Variants in INPP5D observed in about 807,000 individuals in gnomAD.
The protein encoded by INPP5D is phosphatidylinositol 3,4,5-trisphosphate 5-phosphatase 1.
INPP5D carries 33 observed loss-of-function variants against 122.9 expected under a neutral mutation model. That is an observed-to-expected ratio of 0.27 (90% CI 0.20 to 0.36). The LOEUF (loss-of-function observed/expected upper bound fraction) is 0.36, where lower values mean the gene tolerates loss of function less well. Ranked by LOEUF, INPP5D falls within the 10% of genes least tolerant of loss-of-function variation. The pLI is 1.00. For missense variants in INPP5D, 1,053 were observed against 1,412.7 expected, an observed-to-expected ratio of 0.75 and a Z score of 4.08; for synonymous variants, 584 against 576.2, an observed-to-expected ratio of 1.01 and a Z score of -0.19.
At chr2:233,202,264 T>G (rs1472853934) in intron 25 of INPP5D, among the ~76,000 whole-genome samples, 1 of 152,216 alleles carries the variant, frequency 6.6e-6, no homozygotes, top group African/African-American at 2.4e-5. Flanking sequence ...TCCTGTGCCC[T>G]CTTCCCTTGG....
chr2:233,123,393 G>T (rs2106257311), intron 3 of INPP5D, among the ~76,000 whole-genome samples: 1 of 151,476 alleles, frequency 6.6e-6, no homozygotes, highest in Admixed American at 6.6e-5. Context: ...GGTGGAGGTT[G>T]CAGTGAGCCA....
At chr2:233,176,453 ATAGG>A in intron 17 of INPP5D, among the ~76,000 whole-genome samples, 1 of 112,812 alleles carries the variant, frequency 8.9e-6, no homozygotes, top group Non-Finnish European at 1.9e-5. Context: ...GGATGGGTGG[ATAGG>A]TGGATGGATG....
At chr2:233,156,582 AC>A (rs1185707136) in intron 9 of INPP5D, among the ~76,000 whole-genome samples, 1 of 152,184 alleles carries the variant, frequency 6.6e-6, no homozygotes, top group African/African-American at 2.4e-5. Flanking sequence ...GGCATGAGCC[AC>A]CGCGCCTGGC....
rs1018104907 is a variant in INPP5D, at chr2:233,204,726, C to T, written c.3567+9C>T. On this transcript the variant is annotated intron_variant, in intron 26 of 26. Transcript: ENST00000445964. ...GCAGGACTGCCATGCAGGTGCGCTGCGCCACACGTGGGTTCGTGTGCATTT... is the reference window on the plus strand; with the variant it reads ...GCAGGACTGCCATGCAGGTGCGCTGTGCCACACGTGGGTTCGTGTGCATTT... The T allele has an allele frequency of 3.4e-6, 5 of 1,491,700 alleles. No individual in the cohort carries two copies. The highest frequency in any genetic ancestry group is 2.4e-5 in the East Asian group (1 of 41,090). 92.4% of individuals were successfully genotyped at this position (1,491,700 alleles called of 1,614,324 possible).
chr2:233,128,182 C>T lies in INPP5D; in HGVS notation c.524+2263C>T, dbSNP rs150262018. The stretch of plus-strand genomic sequence containing the variant: ...GTGCACTTGAGGGATCTAGGCTGCA[C>T]GCCTCTTAGGAGAATCTAACTAACG... On this transcript the variant is annotated intron_variant, in intron 4 of 26. Transcript: ENST00000445964. This position sits in a 1 kb window ranked among gnomAD's most constrained non-coding sequence, Gnocchi z 4.5. Among the ~76,000 whole-genome samples, 21 of 152,186 alleles carry T rather than the reference C, an allele frequency of 1.4e-4. No individual in the cohort carries two copies. The East Asian group carries it at 3.7e-3, about 27-fold the overall frequency.
At chr2:233,064,865 G>C (rs553745380) in intron 1 of INPP5D, among the ~76,000 whole-genome samples, 2 of 150,720 alleles carry the variant, frequency 1.3e-5, no homozygotes, top group South Asian at 4.4e-4. Flanking sequence ...CCCTTTCGAA[G>C]CTTCAGTAAA....
intron 18 of INPP5D, among the ~76,000 whole-genome samples, chr2:233,179,571 C>T (rs1189363467): frequency 2.0e-5 from 3 of 152,068 alleles, no homozygotes; most frequent in Non-Finnish European, 4.4e-5. Flanking sequence ...CCTCCGGGCC[C>T]GGAATATGAG....
In INPP5D at chr2:233,188,393, C is replaced by T. The variant is rs1694971566; in HGVS notation, c.2359-1457C>T. 2.0e-5 allele frequency among the ~76,000 whole-genome samples: 3 copies of T among 152,296 alleles called. No homozygotes were observed. The highest frequency in any genetic ancestry group is 7.2e-5 in the African/African-American group (3 of 41,558). Reference sequence around the variant, plus strand: ...GTTCAGATGTCTGTCACCCCATTTCCACTCCATCCCAGGGAGGACCGGGTC... The same window carrying T: ...GTTCAGATGTCTGTCACCCCATTTCTACTCCATCCCAGGGAGGACCGGGTC... On this transcript the variant is annotated intron_variant, in intron 21 of 26. Coordinates refer to ENST00000445964, the MANE Select transcript of INPP5D (RefSeq NM_001017915.3). This position sits in a 1 kb window ranked among gnomAD's most constrained non-coding sequence, Gnocchi z 4.7.
chr2:233,087,109 C>A (rs931267168), intron 2 of INPP5D, among the ~76,000 whole-genome samples: 1 of 151,716 alleles, frequency 6.6e-6, no homozygotes, highest in Non-Finnish European at 1.5e-5. Flanking sequence ...CTTGACTTTG[C>A]CCTTCGAGAT....
intron 2 of INPP5D, among the ~76,000 whole-genome samples, chr2:233,097,560 T>A (rs573827260): frequency 6.6e-6 from 1 of 152,342 alleles, no homozygotes; most frequent in African/African-American, 2.4e-5. Flanking sequence ...GAGTGTGATG[T>A]AGCTTTAATT....
Position 233,160,809 on chromosome 2 carries a change from A to G in INPP5D, c.1138-915A>G, listed in dbSNP as rs1473195333. ...ACCACCATGCCTGGCTAATTTTTTTATTTTTTGTAGAGGCAGGGTTCCCCT... is the reference window on the plus strand; with the variant it reads ...ACCACCATGCCTGGCTAATTTTTTTGTTTTTTGTAGAGGCAGGGTTCCCCT... On this transcript the variant is annotated intron_variant, in intron 10 of 26. Transcript: ENST00000445964. This position sits in a 1 kb window ranked among gnomAD's most constrained non-coding sequence, Gnocchi z 4.2. 1.3e-5 allele frequency among the ~76,000 whole-genome samples: 2 copies of G among 151,566 alleles called. No homozygotes were observed. Among genetic ancestry groups the G allele is most frequent in the Admixed American group, 1.3e-4 (2 of 15,244 alleles).
At position 233,170,176 on chromosome 2, in the gene INPP5D, C is replaced by G; in HGVS notation, c.1791+12C>G. On this transcript the variant is annotated intron_variant, in intron 15 of 26. Transcript: ENST00000445964. The surrounding 1 kb of genome is among the most constrained non-coding windows in gnomAD (Gnocchi z 4.5). ...ATCTGCCTACCTGGGTAAGGGCTGC[C>G]CGCCTGGGGCTGGGGCTGGGGCTGT... The G allele has an allele frequency of 6.2e-7, 1 of 1,612,110 alleles. No homozygotes were observed. Among genetic ancestry groups the G allele is most frequent in the Non-Finnish European group, 8.5e-7 (1 of 1,179,078 alleles).
At chr2:233,158,205 T>G in intron 9 of INPP5D, 108 bp from the exon 10 acceptor site, 1 of 601,548 alleles carries the variant, frequency 1.7e-6, no homozygotes, top group Non-Finnish European at 3.0e-6. Context: ...AACTCGGGGC[T>G]CAGCTTGGGG....
intron 3 of INPP5D, among the ~76,000 whole-genome samples, chr2:233,123,274 C>T (rs1466090799): frequency 5.9e-5 from 9 of 151,932 alleles, no homozygotes; most frequent in Non-Finnish European, 8.8e-5. Flanking sequence ...GCCAACATGG[C>T]GAAACCTTAT....
Position 233,140,072 on chromosome 2 carries a change from T to G in INPP5D, c.753+143T>G, listed in dbSNP as rs966429329. ...CAACAGCAAGCAGGTACGCATGGGT[T>G]GGGGGTGGGAGCCTCAGCCCCTGCC... On this transcript the variant is annotated intron_variant, in intron 6 of 26. Coordinates refer to ENST00000445964, the MANE Select transcript of INPP5D (RefSeq NM_001017915.3). The G allele has an allele frequency of 1.4e-3, 557 of 387,626 alleles. 1 individual carries two copies. The highest frequency in any genetic ancestry group is 1.9e-3 in the Non-Finnish European group (409 of 219,098). 24.0% of individuals were successfully genotyped at this position (387,626 alleles called of 1,614,324 possible).
rs1261779975 is a variant in INPP5D, at chr2:233,164,875, A to T, written c.1555+451A>T. ...GCCTTTCTGGTGGGAAAGCAGCCATAGGCAACCCAGAAAGCGAATGGGAGT... is the reference window on the plus strand; with the variant it reads ...GCCTTTCTGGTGGGAAAGCAGCCATTGGCAACCCAGAAAGCGAATGGGAGT... On this transcript the variant is annotated intron_variant, in intron 13 of 26. Transcript: ENST00000445964. This position sits in a 1 kb window ranked among gnomAD's most constrained non-coding sequence, Gnocchi z 4.3. Among the ~76,000 whole-genome samples, 1 of 151,726 alleles carries T rather than the reference A, an allele frequency of 6.6e-6. No homozygotes were observed. The highest frequency in any genetic ancestry group is 1.5e-5 in the Non-Finnish European group (1 of 67,962).
chr2:233,129,665 A>T (rs1431216293), intron 4 of INPP5D, among the ~76,000 whole-genome samples: 1 of 152,104 alleles, frequency 6.6e-6, no homozygotes, highest in East Asian at 1.9e-4. Flanking sequence ...CCCATCGCTA[A>T]TCACTCAGAC....
At chr2:233,203,788 T>C (rs1335962237) in intron 25 of INPP5D, among the ~76,000 whole-genome samples, 1 of 152,000 alleles carries the variant, frequency 6.6e-6, no homozygotes. Context: ...CTCCCAGCAA[T>C]GTCCAGCTAC....
At chr2:233,064,253 T>C (rs764900094) in intron 1 of INPP5D, among the ~76,000 whole-genome samples, 86 of 152,176 alleles carry the variant, frequency 5.7e-4, no homozygotes, top group Non-Finnish European at 9.4e-4. Context: ...GGGGCTTCCC[T>C]CATGGGGGAG....
Sources: gnomAD v4.1 joint callset for allele counts (sites outside exome capture counted in the v4.1 genomes callset) on GRCh38, gnomAD v4.1.1 for gene constraint, Gnocchi (gnomAD v3.1) non-coding constraint, MANE v1.5 for transcripts, NCBI Gene and HGNC (gene_info 2026-07-23, HGNC 2026-07-21) for gene names.